RAB11A: variants seen among roughly 807,000 people sequenced by gnomAD.
The protein encoded by RAB11A is ras-related protein Rab-11A.
RAB11A carries 9 observed loss-of-function variants against 28.0 expected under a neutral mutation model. The observed-to-expected ratio is 0.32, with a 90% CI of 0.19 to 0.56. The LOEUF is 0.56. Ranked by LOEUF, RAB11A falls within the 20% of genes least tolerant of loss-of-function variation. RAB11A has a pLI of 0.91. For synonymous variants in RAB11A, 85 were observed against 88.2 expected (o/e 0.96, Z 0.20); for missense variants, 108 against 269.6 (o/e 0.40, Z 4.20).
At chr15:65,880,121 G>A (rs1215834220) in intron 4 of RAB11A, among the ~76,000 whole-genome samples, 1 of 152,046 alleles carries the variant, frequency 6.6e-6, no homozygotes, top group East Asian at 1.9e-4. Flanking sequence ...TTTAGTAAAG[G>A]CAAAGCTAGG....
At position 65,891,961 on chromosome 15, in the gene RAB11A, A is replaced by G. The variant is rs924446499; in HGVS notation, c.*4121A>G. On this transcript the variant is annotated 3_prime_UTR_variant, in exon 5 of 5. Coordinates refer to ENST00000261890, the MANE Select transcript of RAB11A (RefSeq NM_004663.5). ...GCTTTTAATATGTACTTTAAAATAT[A>G]CTCATGTCTGGGAGAGAACTTTTAA... is the stretch of plus-strand genomic sequence containing the variant. The G allele has an allele frequency of 1.3e-5, 2 of 152,192 alleles. No homozygotes were observed. The highest frequency in any genetic ancestry group is 2.4e-5 in the African/African-American group (1 of 41,450). 9.4% of individuals were successfully genotyped at this position (152,192 alleles called of 1,614,324 possible).
At chr15:65,882,195 TC>T (rs1418534587) in intron 4 of RAB11A, among the ~76,000 whole-genome samples, 1 of 152,250 alleles carries the variant, frequency 6.6e-6, no homozygotes, top group Non-Finnish European at 1.5e-5. Flanking sequence ...ATTCACTGTT[TC>T]CTCAGCTTCC....
chr15:65,875,956 C>G (rs1032650546), intron 1 of RAB11A, among the ~76,000 whole-genome samples: 1 of 152,140 alleles, frequency 6.6e-6, no homozygotes. Context: ...TCTTAGTAGT[C>G]AAAAGTAGGA....
At chr15:65,871,025 A>G (rs2078157570) in intron 1 of RAB11A, among the ~76,000 whole-genome samples, 1 of 152,306 alleles carries the variant, frequency 6.6e-6, no homozygotes, top group African/African-American at 2.4e-5. Context: ...AACAAAGATC[A>G]TTACCACTGA....
chr15:65,873,329 A>G (rs2078173980), intron 1 of RAB11A, among the ~76,000 whole-genome samples: 4 of 152,210 alleles, frequency 2.6e-5, no homozygotes, highest in Admixed American at 1.3e-4. Flanking sequence ...ATCTGGATAC[A>G]TAGTCTATTG....
intron 4 of RAB11A, among the ~76,000 whole-genome samples, chr15:65,887,498 T>C (rs986065290): frequency 4.6e-5 from 7 of 152,220 alleles, no homozygotes; most frequent in African/African-American, 1.7e-4. Context: ...CTTTGTTTCT[T>C]TTCTTACCCA....
Position 65,869,510 on chromosome 15 carries a change from G to T in RAB11A, c.-76G>T. The T allele has an allele frequency of 6.4e-7, 1 of 1,565,440 alleles. No individual in the cohort carries two copies. The highest frequency in any genetic ancestry group is 1.2e-5 in the South Asian group (1 of 86,804). ...TCCGGCAGTTGAAGCTCGGCGCTCG[G>T]GTTACCCCTGCAGCGACGCCCCCTG... On this transcript the variant is annotated 5_prime_UTR_variant, in exon 1 of 5. Coordinates refer to ENST00000261890, the MANE Select transcript of RAB11A (RefSeq NM_004663.5).
intron 1 of RAB11A, chr15:65,869,925 T>G (rs534304178): frequency 9.7e-4 from 243 of 249,330 alleles, no homozygotes; most frequent in Middle Eastern, 2.5e-3. Flanking sequence ...TTTCCCCGGG[T>G]TCTACGGCCC....
chr15:65,890,502 T>C lies in RAB11A; in HGVS notation c.*2662T>C, dbSNP rs1341716793. ...TAAGGGTAAGTTATTGCCCATTTAA[T>C]TGTAATTATAAGAAGAGGTGCCAGC... On this transcript the variant is annotated 3_prime_UTR_variant, in exon 5 of 5. Transcript: ENST00000261890. The C allele has an allele frequency of 1.3e-5, 2 of 152,210 alleles. No individual in the cohort carries two copies. The highest frequency in any genetic ancestry group is 4.8e-5 in the African/African-American group (2 of 41,448). 9.4% of individuals were successfully genotyped at this position (152,210 alleles called of 1,614,324 possible).
rs1596795109 is a variant in RAB11A at position 65,889,653 on chromosome 15, G to A, written c.*1813G>A. 6.6e-6 allele frequency: 1 copy of A among 152,310 alleles called. No homozygotes were observed. The highest frequency in any genetic ancestry group is 1.9e-4 in the East Asian group (1 of 5,188). The allele number at this position is 152,310 out of a possible 1,614,324, so 9.4% of individuals were successfully genotyped here. Reference sequence around the variant, plus strand: ...AAGTATGTCCAAAAACATTAGGAAAGTAGTGTGTATTTTCATATATAACAG... The same window carrying A: ...AAGTATGTCCAAAAACATTAGGAAAATAGTGTGTATTTTCATATATAACAG... On this transcript the variant is annotated 3_prime_UTR_variant, in exon 5 of 5. Coordinates refer to ENST00000261890, the MANE Select transcript of RAB11A (RefSeq NM_004663.5).
chr15:65,869,681 TC>T (rs1567135477), intron 1 of RAB11A, 56 bp downstream of exon 1: 1 of 1,564,316 alleles, frequency 6.4e-7, no homozygotes, highest in Non-Finnish European at 8.7e-7. Context: ...CCCGGGCCAC[TC>T]CCGGTGGACC....
intron 3 of RAB11A, among the ~76,000 whole-genome samples, chr15:65,878,804 A>G (rs569772970): frequency 2.3e-4 from 35 of 152,386 alleles, no homozygotes; most frequent in Admixed American, 7.2e-4. Context: ...TATTGTAAAT[A>G]ATATGGCTAC....
Position 65,887,953 on chromosome 15 carries a change from A to C in RAB11A, c.*113A>C. The C allele has an allele frequency of 4.4e-6, 5 of 1,146,412 alleles. No homozygotes were observed. The highest frequency in any genetic ancestry group is 5.8e-6 in the Non-Finnish European group (5 of 862,888). 71.0% of individuals were successfully genotyped at this position (1,146,412 alleles called of 1,614,324 possible). A position where few individuals can be genotyped will look rare whatever the true frequency, so the allele number is the denominator to read the frequency against. ...TGTGTTTTATTACTTCATACTTATG[A>C]ATTTTTCCATGTCCTAAGTCTTTTG... On this transcript the variant is annotated 3_prime_UTR_variant, in exon 5 of 5. Coordinates refer to ENST00000261890, the MANE Select transcript of RAB11A (RefSeq NM_004663.5).
rs2078290663 is a variant in RAB11A, at chr15:65,891,024, AT to A, written c.*3185del. ...TTGTGAAAGGATCCTCTTCCACCAC[AT>A]CATTTAATGGGTTAGCGGAACAGAT... On this transcript the variant is annotated 3_prime_UTR_variant, in exon 5 of 5. Transcript: ENST00000261890. 6.6e-6 allele frequency: 1 copy of A among 152,248 alleles called. No homozygotes were observed. The highest frequency in any genetic ancestry group is 1.5e-5 in the Non-Finnish European group (1 of 68,038). 9.4% of individuals were successfully genotyped at this position (152,248 alleles called of 1,614,324 possible). A position where few individuals can be genotyped will look rare whatever the true frequency, so the allele number is the denominator to read the frequency against.
At chr15:65,878,221 G>A (rs986650924) in intron 3 of RAB11A, among the ~76,000 whole-genome samples, 12 of 152,150 alleles carry the variant, frequency 7.9e-5, no homozygotes, top group South Asian at 2.1e-4. Flanking sequence ...GCTGCTGTAC[G>A]TGAGCTCTAT....
At chr15:65,869,917 TC>T in intron 1 of RAB11A, 1 of 303,838 alleles carries the variant, frequency 3.3e-6, no homozygotes, top group Non-Finnish European at 6.0e-6. Flanking sequence ...CGAATTCCTT[TC>T]CCCGGGTTCT....
At chr15:65,883,211 C>A (rs1233974849) in intron 4 of RAB11A, among the ~76,000 whole-genome samples, 2 of 152,160 alleles carry the variant, frequency 1.3e-5, no homozygotes, top group Non-Finnish European at 2.9e-5. Context: ...TCCAATAATA[C>A]CCTTATTAGC....
chr15:65,877,821 A>T lies in RAB11A; in HGVS notation c.296A>T (p.Tyr99Phe). 1 of 1,611,026 alleles carries T rather than the reference A, an allele frequency of 6.2e-7. No homozygotes were observed. The highest frequency in any genetic ancestry group is 1.3e-5 in the African/African-American group (1 of 75,002). ...TATGACATTGCTAAACATCTCACAT[A>T]TGAAAATGTAGAGCGATGGCTGAAA... ...LVYDIAKHLT[Y>F]ENVERWLKEL... is the part of the protein sequence containing the mutation. The change falls in exon 3 of 5, where the codon TAT (tyrosine) becomes TTT (phenylalanine). Residue 99 changes from tyrosine (Y) to phenylalanine (F), a missense_variant. Physicochemically the swap from Tyr to Phe is conservative, Grantham distance 22. This residue lies in a region of RAB11A where 85 missense variants were observed against 145.9 expected (regional missense o/e 0.58). Coordinates refer to ENST00000261890, the MANE Select transcript of RAB11A (RefSeq NM_004663.5). This position sits in a 1 kb window ranked among gnomAD's most constrained non-coding sequence, Gnocchi z 4.1.
In RAB11A at chr15:65,886,738, T is replaced by C. The variant is rs1650104060; in HGVS notation, c.512-963T>C. Among the ~76,000 whole-genome samples, 3 of 152,346 alleles carry C rather than the reference T, an allele frequency of 2.0e-5. No individual in the cohort carries two copies. In the South Asian group the frequency reaches 6.2e-4, roughly 32 times the overall value. Reference sequence around the variant, plus strand: ...GTTATTTATTTATCACAACACATGTTATATGTTGCAGTACAGCAGTAAGAC... The same window carrying C: ...GTTATTTATTTATCACAACACATGTCATATGTTGCAGTACAGCAGTAAGAC... On this transcript the variant is annotated intron_variant, in intron 4 of 4. Coordinates refer to ENST00000261890, the MANE Select transcript of RAB11A (RefSeq NM_004663.5).
Sources: allele counts gnomAD v4.1 joint callset (sites outside exome capture counted in the v4.1 genomes callset), GRCh38; gene constraint gnomAD v4.1.1; regional missense constraint gnomAD v4.1.1; non-coding constraint Gnocchi (gnomAD v3.1); transcripts MANE v1.5; gene names NCBI Gene and HGNC (gene_info 2026-07-23, HGNC 2026-07-21).